CRCP: variants seen among roughly 807,000 people sequenced by gnomAD.
The protein encoded by CRCP is DNA-directed RNA polymerase III subunit RPC9.
CRCP carries 18 observed loss-of-function variants against 18.5 expected under a neutral mutation model. That is an observed-to-expected ratio of 0.97 (90% CI 0.67 to 1.44). The LOEUF (loss-of-function observed/expected upper bound fraction) is 1.44, where lower values mean the gene tolerates loss of function less well. Ranked by LOEUF, CRCP falls within the 40% of genes most tolerant of loss-of-function variation. The probability of loss-of-function intolerance (pLI) is 0.00; values close to 1 mark genes in which losing one functional copy is unlikely to be tolerated. For missense variants in CRCP, 130 were observed against 176.4 expected (o/e 0.74, Z 1.49); for synonymous variants, 53 against 62.9 (o/e 0.84, Z 0.75).
chr7:66,144,930 C>G (rs1788249278), intron 4 of CRCP, among the ~76,000 whole-genome samples: 1 of 152,092 alleles, frequency 6.6e-6, no homozygotes, highest in African/African-American at 2.4e-5. Context: ...AGGTGGATCC[C>G]CTGAGGTCGA....
chr7:66,146,234 C>T (rs1788290362), intron 5 of CRCP, among the ~76,000 whole-genome samples: 1 of 152,144 alleles, frequency 6.6e-6, no homozygotes, highest in South Asian at 2.1e-4. Context: ...AGCCTCATCA[C>T]TTGTGAAGTC....
At chr7:66,121,298 G>A (rs575856276) in intron 1 of CRCP, among the ~76,000 whole-genome samples, 5 of 151,906 alleles carry the variant, frequency 3.3e-5, no homozygotes, top group Admixed American at 3.3e-4. Context: ...TGATTCTACC[G>A]CCTCGGCCTC....
intron 4 of CRCP, among the ~76,000 whole-genome samples, chr7:66,144,400 T>C (rs894136914): frequency 1.3e-5 from 2 of 152,234 alleles, no homozygotes; most frequent in African/African-American, 4.8e-5. Flanking sequence ...TTTACTAAGA[T>C]AATAAGTCAA....
intron 5 of CRCP, among the ~76,000 whole-genome samples, chr7:66,149,272 C>G (rs1194056093): frequency 6.6e-6 from 1 of 152,086 alleles, no homozygotes; most frequent in Non-Finnish European, 1.5e-5. Flanking sequence ...GTCTATAACC[C>G]CAGCACTTTG....
intron 1 of CRCP, chr7:66,119,816 A>G (rs1000658315): frequency 1.3e-5 from 2 of 152,242 alleles, no homozygotes; most frequent in African/African-American, 2.4e-5. Flanking sequence ...AAAGCAGTCT[A>G]TCCATGTTCA....
chr7:66,134,693 A>G (rs1022739856), intron 4 of CRCP, among the ~76,000 whole-genome samples: 7 of 152,164 alleles, frequency 4.6e-5, no homozygotes, highest in Non-Finnish European at 7.3e-5. Context: ...TTCATGGAAA[A>G]GAAGGCAAAT....
chr7:66,128,044 A>C (rs1041169567), intron 2 of CRCP, among the ~76,000 whole-genome samples: 7 of 150,334 alleles, frequency 4.7e-5, no homozygotes, highest in Non-Finnish European at 7.4e-5. Flanking sequence ...TGAACCCAGG[A>C]GGCGGAGGTT....
rs184604721 is a variant in CRCP at position 66,138,027 on chromosome 7, C to T, written c.239+3653C>T. Among the ~76,000 whole-genome samples the T allele has an allele frequency of 2.2e-3, 340 of 152,304 alleles. 2 individuals carry two copies. The highest frequency in any genetic ancestry group is 8.0e-3 in the African/African-American group (331 of 41,568). Reference sequence around the variant, plus strand: ...TCCTCTCTATTCCTGAAGTGCCCTGCGTCCTTTTTATCATTTACTTCACCA... The same window carrying T: ...TCCTCTCTATTCCTGAAGTGCCCTGTGTCCTTTTTATCATTTACTTCACCA... On this transcript the variant is annotated intron_variant, in intron 4 of 5. Coordinates refer to ENST00000395326, the MANE Select transcript of CRCP (RefSeq NM_014478.5).
In CRCP at chr7:66,114,851, A is replaced by AGCACCTTGGCGCGCGGAGCTG. The variant is rs749684217; in HGVS notation, c.-99_-79dup. The AGCACCTTGGCGCGCGGAGCTG allele has an allele frequency of 5.4e-5, 86 of 1,598,452 alleles. No individual in the cohort carries two copies. The highest frequency in any genetic ancestry group is 6.5e-5 in the Non-Finnish European group (76 of 1,168,418). ...GGCATGCAGCGCGGCGATCCCGGCGAGCACCTTGGCGCGCGGAGCTGGCAC... is the reference window on the plus strand; with the variant it reads ...GGCATGCAGCGCGGCGATCCCGGCGAGCACCTTGGCGCGCGGAGCTGGCACCTTGGCGCGCGGAGCTGGCAC... On this transcript the variant is annotated 5_prime_UTR_variant, in exon 1 of 6. Transcript: ENST00000395326.
At chr7:66,138,461 G>T (rs1788033739) in intron 4 of CRCP, among the ~76,000 whole-genome samples, 1 of 151,718 alleles carries the variant, frequency 6.6e-6, no homozygotes, top group South Asian at 2.1e-4. Context: ...CTGCTGTTAA[G>T]ATTTTTTTTA....
At chr7:66,137,072 T>A (rs1238049677) in intron 4 of CRCP, among the ~76,000 whole-genome samples, 1 of 151,598 alleles carries the variant, frequency 6.6e-6, no homozygotes, top group African/African-American at 2.4e-5. Context: ...AGAGCGAGAC[T>A]GTCTCAAAAA....
intron 4 of CRCP, among the ~76,000 whole-genome samples, chr7:66,141,311 C>A (rs1377876305): frequency 1.3e-5 from 2 of 152,132 alleles, no homozygotes; most frequent in Non-Finnish European, 2.9e-5. Flanking sequence ...AATACTAGAT[C>A]TTATTCATTC....
intron 5 of CRCP, among the ~76,000 whole-genome samples, chr7:66,151,671 CTCTG>C (rs1166574779): frequency 4.5e-4 from 18 of 40,300 alleles, no homozygotes; most frequent in East Asian, 3.4e-3. Context: ...CACCACTTCT[CTCTG>C]TGTGTGTGTG....
intron 3 of CRCP, 21 bp from the exon 4 acceptor site, chr7:66,134,259 C>CTT (rs5884583): frequency 1.2e-4 from 172 of 1,386,684 alleles, no homozygotes; most frequent in Admixed American, 2.4e-4. Flanking sequence ...TGGCTTTTTT[C>CTT]TTTTTTTTTT....
At chr7:66,136,179 G>C (rs1468523591) in intron 4 of CRCP, among the ~76,000 whole-genome samples, 5 of 151,608 alleles carry the variant, frequency 3.3e-5, no homozygotes, top group African/African-American at 1.2e-4. Context: ...AATTGAAAAC[G>C]TCATACATCA....
intron 4 of CRCP, among the ~76,000 whole-genome samples, chr7:66,139,809 C>G (rs1038813556): frequency 7.2e-5 from 11 of 152,184 alleles, no homozygotes; most frequent in African/African-American, 2.7e-4. Flanking sequence ...ACATAAACAG[C>G]TCAGGTGAAT....
intron 1 of CRCP, among the ~76,000 whole-genome samples, chr7:66,123,023 C>T (rs550649108): frequency 1.3e-5 from 2 of 150,102 alleles, no homozygotes; most frequent in Non-Finnish European, 3.0e-5. Flanking sequence ...AGCCCCATCT[C>T]GGCACACTGT....
intron 3 of CRCP, among the ~76,000 whole-genome samples, chr7:66,133,062 TA>T (rs991694969): frequency 3.3e-5 from 5 of 152,128 alleles, no homozygotes; most frequent in South Asian, 4.1e-4. Context: ...CCACAGTAAT[TA>T]AAAAATATTT....
chr7:66,145,302 C>T (rs1788261322), intron 4 of CRCP, 141 bp from the exon 5 acceptor site: 6 of 789,624 alleles, frequency 7.6e-6, no homozygotes, highest in Admixed American at 1.8e-5. Flanking sequence ...CCCATTCTCT[C>T]GATTTACAGT....
Sources: gnomAD v4.1 joint callset for allele counts (sites outside exome capture counted in the v4.1 genomes callset) on GRCh38, gnomAD v4.1.1 for gene constraint, MANE v1.5 for transcripts, NCBI Gene and HGNC (gene_info 2026-07-23, HGNC 2026-07-21) for gene names.